Variants in AGL observed in about 807,000 individuals in gnomAD.
AGL encodes the protein glycogen debranching enzyme.
Under a neutral mutation model 199.3 loss-of-function variants are expected in AGL, and 128 were observed. The observed-to-expected ratio is 0.64, with a 90% CI of 0.56 to 0.74. The LOEUF is 0.74. AGL is among the 30% of genes least tolerant of loss of function. The pLI, the probability that AGL is intolerant of heterozygous loss-of-function variation, is 0.00. For synonymous variants in AGL, 584 were observed against 594.7 expected, an observed-to-expected ratio of 0.98 and a Z score of 0.26; for missense variants, 1,809 against 1,820.8, an observed-to-expected ratio of 0.99 and a Z score of 0.12.
intron 5 of AGL, among the ~76,000 whole-genome samples, chr1:99,869,796 C>G (rs997413023): frequency 2.6e-5 from 4 of 152,154 alleles, no homozygotes; most frequent in Non-Finnish European, 4.4e-5. Flanking sequence ...ATGTAACTTT[C>G]ATTCGTTTAT....
intron 25 of AGL, among the ~76,000 whole-genome samples, chr1:99,899,234 T>C (rs193060489): frequency 1.4e-4 from 21 of 152,302 alleles, no homozygotes; most frequent in African/African-American, 4.8e-4. Flanking sequence ...ATAGAATTAA[T>C]AAAAATTTCT....
In AGL at chr1:99,861,668, T is replaced by G. The variant is rs560703902; in HGVS notation, c.248T>G (p.Leu83Arg). Residue 83 changes from leucine (L) to arginine (R), a missense_variant, in exon 3 of 34, where the codon CTT becomes CGT. Transcript: ENST00000361915. The stretch of plus-strand genomic sequence containing the variant: ...GATGATTCTGATAAATACTGTAAAC[T>G]TAATCTGCAACAATCTGGTTCATTT... ...REDDSDKYCK[L>R]NLQQSGSFQY... The G allele has an allele frequency of 5.0e-6, 8 of 1,613,552 alleles. No individual in the cohort carries two copies. The highest frequency in any genetic ancestry group is 6.8e-6 in the Non-Finnish European group (8 of 1,179,680).
chr1:99,921,377 A>G (rs1236105477), intron 33 of AGL, among the ~76,000 whole-genome samples, 157 bp from the exon 34 acceptor site: 1 of 152,220 alleles, frequency 6.6e-6, no homozygotes. Context: ...ATTTCAGTCT[A>G]AATTCATTTG....
rs767257582 is a variant in AGL, at chr1:99,880,063, G to T, written c.1735+17G>T. The T allele has an allele frequency of 1.9e-6, 3 of 1,612,886 alleles. No homozygotes were observed. The highest frequency in any genetic ancestry group is 1.3e-5 in the African/African-American group (1 of 74,858). On this transcript the variant is annotated intron_variant, in intron 13 of 33. Coordinates refer to ENST00000361915, the MANE Select transcript of AGL (RefSeq NM_000642.3). ...TAATAAGAGGTAGGCTTGTTGGAGT[G>T]TATTTCCCTCTAAAACTTTAGCTTT...
At chr1:99,921,416 T>C (rs1460417208) in intron 33 of AGL, 118 bp from the exon 34 acceptor site, 4 of 754,414 alleles carry the variant, frequency 5.3e-6, no homozygotes, top group Admixed American at 1.8e-5. Context: ...TTTTATTTTG[T>C]AGCAAATGAC....
chr1:99,902,643 T>G (rs551224277), intron 26 of AGL, 40 bp from the exon 27 acceptor site: 2 of 1,464,406 alleles, frequency 1.4e-6, no homozygotes, highest in African/African-American at 2.8e-5. Flanking sequence ...AAGAAAAATG[T>G]AATTTCTAAC....
Position 99,896,330 on chromosome 1 carries a change from G to T in AGL, c.3304G>T (p.Asp1102Tyr). ...SSGIFRCWGRDTFIALRGILL... is the reference protein window; with the variant it reads ...SSGIFRCWGRYTFIALRGILL... ...TGGTATTTTCCGCTGCTGGGGAAGG[G>T]ATACTTTTATTGCACTTAGAGGTAT... The change falls in exon 25 of 34, where the codon GAT (aspartate) becomes TAT (tyrosine). Residue 1102 changes from aspartate to tyrosine, a missense_variant. Asp to Tyr is a radical substitution (Grantham distance 160). Transcript: ENST00000361915. 1 of 1,614,028 alleles carries T rather than the reference G, an allele frequency of 6.2e-7. No individual in the cohort carries two copies. The highest frequency in any genetic ancestry group is 8.5e-7 in the Non-Finnish European group (1 of 1,180,000).
intron 20 of AGL, among the ~76,000 whole-genome samples, chr1:99,886,899 T>C (rs1652497118): frequency 6.6e-6 from 1 of 152,212 alleles, no homozygotes; most frequent in Non-Finnish European, 1.5e-5. Context: ...GTAAAATGCA[T>C]GTTCCTCCTC....
At chr1:99,918,442 C>A (rs527633986) in intron 33 of AGL, among the ~76,000 whole-genome samples, 3 of 151,900 alleles carry the variant, frequency 2.0e-5, no homozygotes, top group Non-Finnish European at 4.4e-5. Flanking sequence ...TGTGATTGTT[C>A]TCTTTATTTT....
intron 7 of AGL, 96 bp downstream of exon 7, chr1:99,870,965 T>A: frequency 1.3e-6 from 1 of 758,408 alleles, no homozygotes; most frequent in Non-Finnish European, 2.2e-6. Flanking sequence ...ATTAAATATG[T>A]CATTGTATTA....
Position 99,884,175 on chromosome 1 carries a change from T to C in AGL, c.2364T>C (p.Pro788=), listed in dbSNP as rs1368630389. 6.2e-7 allele frequency: 1 copy of C among 1,612,922 alleles called. No homozygotes were observed. The highest frequency in any genetic ancestry group is 8.5e-7 in the Non-Finnish European group (1 of 1,179,122). ...GAACTATTGAGAGAAACACGAAACC[T>C]TATAGGAAGGATGAGAATTCAATCA... ...EARTIERNTK[P]YRKDENSING... is the part of the protein sequence containing the mutation. The change falls in exon 18 of 34, where the codon CCT becomes CCC. Residue 788 remains proline, a synonymous_variant. Transcript: ENST00000361915.
chr1:99,861,813 A>G (rs1571226854), intron 3 of AGL, 100 bp downstream of exon 3: 12 of 1,319,182 alleles, frequency 9.1e-6, no homozygotes, highest in African/African-American at 4.4e-5. Context: ...TGGCAGTGCA[A>G]TTTTTATAGT....
At chr1:99,904,014 G>A (rs571682645) in intron 27 of AGL, among the ~76,000 whole-genome samples, 12 of 152,286 alleles carry the variant, frequency 7.9e-5, no homozygotes, top group African/African-American at 2.9e-4. Flanking sequence ...AACTGAAGCA[G>A]AGTAGCTTGC....
chr1:99,891,152 G>C (rs781495862), intron 21 of AGL, 68 bp from the exon 22 acceptor site: 87 of 1,593,426 alleles, frequency 5.5e-5, no homozygotes, highest in Non-Finnish European at 7.0e-5. Flanking sequence ...AGCAGAATAG[G>C]GACTAGAGGA....
intron 25 of AGL, among the ~76,000 whole-genome samples, chr1:99,898,709 G>A (rs1206978205): frequency 6.6e-6 from 1 of 152,006 alleles, no homozygotes; most frequent in East Asian, 1.9e-4. Context: ...TGGCTTCTGG[G>A]GCCTCTCCAG....
chr1:99,854,643 A>T (rs929387367), intron 2 of AGL, among the ~76,000 whole-genome samples: 2 of 151,976 alleles, frequency 1.3e-5, no homozygotes, highest in Non-Finnish European at 2.9e-5. Context: ...GGGCGCCTCT[A>T]GTCCCAGCTA....
At chr1:99,915,109 C>A (rs1000836017) in intron 30 of AGL, among the ~76,000 whole-genome samples, 2 of 152,084 alleles carry the variant, frequency 1.3e-5, no homozygotes, top group African/African-American at 4.8e-5. Flanking sequence ...TGTGTTCTGC[C>A]TTCAGTGTAG....
intron 21 of AGL, among the ~76,000 whole-genome samples, chr1:99,888,928 C>G (rs1248992475): frequency 6.6e-6 from 1 of 152,086 alleles, no homozygotes; most frequent in East Asian, 1.9e-4. Context: ...TTTTCTATAC[C>G]TCTTACTTGG....
At chr1:99,880,232 G>T (rs1651901774) in intron 13 of AGL, among the ~76,000 whole-genome samples, 186 bp downstream of exon 13, 1 of 151,954 alleles carries the variant, frequency 6.6e-6, no homozygotes, top group Non-Finnish European at 1.5e-5. Context: ...TCTACTTTGG[G>T]GTAAGATACC....
Sources: gnomAD v4.1 joint callset for allele counts (sites outside exome capture counted in the v4.1 genomes callset) on GRCh38, gnomAD v4.1.1 for gene constraint, MANE v1.5 for transcripts, NCBI Gene and HGNC (gene_info 2026-07-23, HGNC 2026-07-21) for gene names.